Variants in THOC5 observed in about 807,000 individuals in gnomAD.
The protein encoded by THOC5 is Fms-interacting protein.
In THOC5, 43 loss-of-function variants were observed where a neutral mutation model predicts 92.9. The observed-to-expected ratio is 0.46, with a 90% confidence interval of 0.36 to 0.60. The LOEUF (loss-of-function observed/expected upper bound fraction) is 0.60, where lower values mean the gene tolerates loss of function less well. THOC5 is among the 20% of genes least tolerant of loss of function. The pLI, the probability that THOC5 is intolerant of heterozygous loss-of-function variation, is 0.00. For synonymous variants in THOC5, 296 were observed against 320.1 expected, an observed-to-expected ratio of 0.92 and a Z score of 0.80; for missense variants, 659 against 849.4, an observed-to-expected ratio of 0.78 and a Z score of 2.79.
At chr22:29,545,130 C>A (rs746396400) in intron 2 of THOC5, 1 of 416,518 alleles carries the variant, frequency 2.4e-6, no homozygotes, top group South Asian at 1.7e-5. Flanking sequence ...GTGGCGGCGG[C>A]AAGAGAAAAA....
rs373691458 is a variant in THOC5, at chr22:29,513,611, C to G, written c.1682-1475G>C. Among the ~76,000 whole-genome samples, 231 of 151,972 alleles carry G rather than the reference C, an allele frequency of 1.5e-3. 1 individual carries two copies. Among genetic ancestry groups the G allele is most frequent in the African/African-American group, 4.9e-3 (202 of 41,458 alleles). ...GCCAAGACGGGAGGGTCACTTGAAC[C>G]TGGTAAGGTGGAGGTTGCAGTGAGC... On this transcript the variant is annotated intron_variant, in intron 17 of 19. Coordinates refer to ENST00000490103, the MANE Select transcript of THOC5 (RefSeq NM_003678.5).
At chr22:29,522,285 G>A (rs1222772008) in intron 12 of THOC5, among the ~76,000 whole-genome samples, 5 of 151,720 alleles carry the variant, frequency 3.3e-5, no homozygotes, top group Admixed American at 6.6e-5. Flanking sequence ...GTGTGAACCC[G>A]GGAGACGGAG....
rs2063149410 is a variant in THOC5, at chr22:29,507,481, C to A, written c.*976G>T. The A allele has an allele frequency of 6.6e-6, 1 of 152,214 alleles. No individual in the cohort carries two copies. Among genetic ancestry groups the A allele is most frequent in the South Asian group, 2.1e-4 (1 of 4,836 alleles). 9.4% of individuals were successfully genotyped at this position (152,214 alleles called of 1,614,324 possible). On this transcript the variant is annotated 3_prime_UTR_variant, in exon 20 of 20. Coordinates refer to ENST00000490103, the MANE Select transcript of THOC5 (RefSeq NM_003678.5). ...GGTTCAAGTAATTCTGCCTCAGCCT[C>A]CTGAGTAACTGGGACTACAGGCATG...
chr22:29,529,655 T>C (rs2063614477), intron 8 of THOC5, among the ~76,000 whole-genome samples: 1 of 152,214 alleles, frequency 6.6e-6, no homozygotes, highest in Admixed American at 6.5e-5. Flanking sequence ...TTATTCTCTA[T>C]TCTACACTAT....
chr22:29,514,402 C>T lies in THOC5; in HGVS notation c.1682-2266G>A, dbSNP rs572496133. ...CGCCATCTCAGCTCACTGCAAGCTC[C>T]GCCTCCCGGGTTCACGCCATTCTCC... On this transcript the variant is annotated intron_variant, in intron 17 of 19. Coordinates refer to ENST00000490103, the MANE Select transcript of THOC5 (RefSeq NM_003678.5). 2.9e-4 allele frequency among the ~76,000 whole-genome samples: 43 copies of T among 149,734 alleles called. 1 individual carries two copies. In the South Asian group the frequency reaches 4.5e-3, roughly 16 times the overall value.
At chr22:29,552,593 C>T (rs1428255004) in intron 1 of THOC5, among the ~76,000 whole-genome samples, 3 of 150,360 alleles carry the variant, frequency 2.0e-5, no homozygotes, top group South Asian at 4.2e-4. Flanking sequence ...AGCCCCAGCC[C>T]GGCCAGCCGC....
chr22:29,518,100 C>A (rs1344818432), intron 15 of THOC5, among the ~76,000 whole-genome samples: 1 of 152,176 alleles, frequency 6.6e-6, no homozygotes, highest in Non-Finnish European at 1.5e-5. Context: ...GTGATGCGAT[C>A]TCAGCTCACT....
At chr22:29,523,242 AAAATAAAT>A (rs528811341) in intron 12 of THOC5, among the ~76,000 whole-genome samples, 11 of 151,956 alleles carry the variant, frequency 7.2e-5, no homozygotes, top group South Asian at 4.1e-4. Context: ...ACTCCTTCTC[AAAATAAAT>A]AAATAAATAA....
In THOC5 at chr22:29,511,280, A is replaced by C; in HGVS notation, c.1814T>G (p.Val605Gly). ...ACACAGCTCCTTGTAGCACACATTG[A>C]CTTCGCCCTCCATGGCCTGTGTGAT... ...DDNIRAMEGEVNVCYKELCGP... is the reference protein window; with the variant it reads ...DDNIRAMEGEGNVCYKELCGP... Residue 605 changes from valine (V) to glycine (G), a missense_variant, in exon 19 of 20, where the codon GTC becomes GGC. Coordinates refer to ENST00000490103, the MANE Select transcript of THOC5 (RefSeq NM_003678.5). 6.2e-7 allele frequency: 1 copy of C among 1,613,050 alleles called. No homozygotes were observed. The highest frequency in any genetic ancestry group is 8.5e-7 in the Non-Finnish European group (1 of 1,179,914).
chr22:29,519,207 G>A lies in THOC5; in HGVS notation c.1375-87C>T, dbSNP rs919444472. ...TCTCTCCTGGGACCTGCCTGTCTGCGGCACCCTGGATTATCCATGCCCCAA... is the reference window on the plus strand; with the variant it reads ...TCTCTCCTGGGACCTGCCTGTCTGCAGCACCCTGGATTATCCATGCCCCAA... On this transcript the variant is annotated intron_variant, in intron 14 of 19. Transcript: ENST00000490103. 1.8e-5 allele frequency: 15 copies of A among 854,142 alleles called. No homozygotes were observed. The Admixed American group carries it at 2.0e-4, about 11-fold the overall frequency. 52.9% of individuals were successfully genotyped at this position (854,142 alleles called of 1,614,324 possible).
At chr22:29,525,675 T>C (rs2063528074) in intron 12 of THOC5, among the ~76,000 whole-genome samples, 163 bp downstream of exon 12, 1 of 152,176 alleles carries the variant, frequency 6.6e-6, no homozygotes, top group Non-Finnish European at 1.5e-5. Context: ...GCTTTCTAAA[T>C]ACCAGCGATG....
chr22:29,526,135 T>C (rs891211386), intron 11 of THOC5, among the ~76,000 whole-genome samples, 189 bp from the exon 12 acceptor site: 1 of 151,816 alleles, frequency 6.6e-6, no homozygotes, highest in African/African-American at 2.4e-5. Flanking sequence ...GTGTAACAAA[T>C]CGGCACATGT....
chr22:29,529,369 A>ATGCTTGTAATTTTAATTATAAAATTATT, intron 8 of THOC5, 130 bp from the exon 9 acceptor site: 1 of 886,528 alleles, frequency 1.1e-6, no homozygotes, highest in Non-Finnish European at 1.8e-6. Context: ...GTGGAAGGGC[A>ATGCTTGTAATTTTAATTATAAAATTATT]AAAGTCCTTG....
chr22:29,512,758 C>T (rs2063249497), intron 17 of THOC5, among the ~76,000 whole-genome samples: 1 of 152,202 alleles, frequency 6.6e-6, no homozygotes, highest in Non-Finnish European at 1.5e-5. Context: ...ACAGAAACTT[C>T]CCTACCATCA....
chr22:29,519,214 T>A, intron 14 of THOC5, 94 bp from the exon 15 acceptor site: 1 of 777,878 alleles, frequency 1.3e-6, no homozygotes. Context: ...TGCGGCACCC[T>A]GGATTATCCA....
chr22:29,508,598 G>A, intron 19 of THOC5, 78 bp from the exon 20 acceptor site: 2 of 1,328,810 alleles, frequency 1.5e-6, no homozygotes, highest in African/African-American at 1.4e-5. Context: ...ATTCACACAA[G>A]GGAAAAAGAA....
At position 29,506,687 on chromosome 22, in the gene THOC5, ATAT is replaced by A. The variant is rs900145330; in HGVS notation, c.*1767_*1769del. ...AAGACCCTGTCTCAATAAAAAAAAA[ATAT>A]TCTCCTCAAATGTTACCTGGTCTCA... On this transcript the variant is annotated 3_prime_UTR_variant, in exon 20 of 20. Transcript: ENST00000490103. 6.6e-6 allele frequency: 1 copy of A among 152,160 alleles called. No homozygotes were observed. Among genetic ancestry groups the A allele is most frequent in the African/African-American group, 2.4e-5 (1 of 41,380 alleles). 9.4% of individuals were successfully genotyped at this position (152,160 alleles called of 1,614,324 possible). A position where few individuals can be genotyped will look rare whatever the true frequency, so the allele number is the denominator to read the frequency against.
At position 29,507,746 on chromosome 22, in the gene THOC5, A is replaced by G. The variant is rs2063151639; in HGVS notation, c.*711T>C. On this transcript the variant is annotated 3_prime_UTR_variant, in exon 20 of 20. Transcript: ENST00000490103. ...TGTATAAGATACAAAATATATACTG[A>G]AAATATGTACTGACTATGTTAGCAG... 1 of 152,306 alleles carries G rather than the reference A, an allele frequency of 6.6e-6. No individual in the cohort carries two copies. Among genetic ancestry groups the G allele is most frequent in the African/African-American group, 2.4e-5 (1 of 41,462 alleles). The allele number at this position is 152,306 out of a possible 1,614,324, so 9.4% of individuals were successfully genotyped here.
At chr22:29,516,896 G>T in intron 17 of THOC5, 133 bp downstream of exon 17, 1 of 773,124 alleles carries the variant, frequency 1.3e-6, no homozygotes, top group Non-Finnish European at 2.2e-6. Context: ...TTGCTGAACA[G>T]GCTCTCACGA....
Sources: gnomAD v4.1 joint callset for allele counts (sites outside exome capture counted in the v4.1 genomes callset) on GRCh38, gnomAD v4.1.1 for gene constraint, MANE v1.5 for transcripts, NCBI Gene and HGNC (gene_info 2026-07-23, HGNC 2026-07-21) for gene names.